Variants in HAS3 observed in about 807,000 individuals in gnomAD.
HAS3 encodes the protein hyaluronan synthase 3, also known as HA synthase 3.
In HAS3, 27 loss-of-function variants were observed where a neutral mutation model predicts 50.3. That is an observed-to-expected ratio of 0.54 (90% CI 0.40 to 0.74). HAS3 has a LOEUF of 0.74. Among genes scored for constraint, HAS3 ranks in the 30% least tolerant of loss-of-function variants. HAS3 has a pLI of 0.00. For synonymous variants in HAS3, 339 were observed against 310.9 expected (o/e 1.09, Z -0.95); for missense variants, 517 against 742.8 (o/e 0.70, Z 3.53).
the HAS3 span, among the ~76,000 whole-genome samples, chr16:69,088,726 T>TG: frequency 6.6e-6 from 1 of 152,082 alleles, no homozygotes; most frequent in African/African-American, 2.4e-5. Context: ...GGTGAATTAA[T>TG]GAGCACTAAA....
intron 2 of HAS3, among the ~76,000 whole-genome samples, chr16:69,111,447 C>T (rs1195142173): frequency 1.3e-5 from 2 of 152,200 alleles, no homozygotes; most frequent in Admixed American, 6.5e-5. Flanking sequence ...CCTGCCAGAG[C>T]AGGGTGCTGC....
At chr16:69,104,773 G>A (rs535107504), upstream of HAS3, among the ~76,000 whole-genome samples, 1 of 152,094 alleles carries the variant, frequency 6.6e-6, no homozygotes, top group South Asian at 2.1e-4. Flanking sequence ...GTGTGGAGTA[G>A]GTGTGCCTGG....
chr16:69,088,571 AAAAG>A, the HAS3 span, among the ~76,000 whole-genome samples: 32 of 151,868 alleles, frequency 2.1e-4, no homozygotes, highest in African/African-American at 7.5e-4. Context: ...AAAAAAAAAA[AAAAG>A]AAAAGACAAG....
upstream of HAS3, among the ~76,000 whole-genome samples, chr16:69,101,853 C>T (rs1458976803): frequency 2.6e-5 from 4 of 151,824 alleles, no homozygotes; most frequent in African/African-American, 9.7e-5. Flanking sequence ...GGCACGATCT[C>T]GGCTCACTGC....
upstream of HAS3, among the ~76,000 whole-genome samples, chr16:69,103,803 C>G (rs1412466943): frequency 1.3e-5 from 2 of 152,198 alleles, no homozygotes; most frequent in Non-Finnish European, 2.9e-5. Context: ...ATGCTGCTGT[C>G]TGGTTTACTA....
At chr16:69,118,420 A>G (rs1433094866), downstream of HAS3, 2 of 1,613,172 alleles carry the variant, frequency 1.2e-6, no homozygotes, top group East Asian at 2.2e-5. Flanking sequence ...GAGCTACGGA[A>G]GCATGGTCCG....
the HAS3 span, among the ~76,000 whole-genome samples, chr16:69,096,808 G>A: frequency 6.6e-6 from 1 of 151,728 alleles, no homozygotes; most frequent in Non-Finnish European, 1.5e-5. Flanking sequence ...TAGTAGAGAT[G>A]GGGTTTTATC....
At chr16:69,102,543 C>T (rs1487915591), upstream of HAS3, among the ~76,000 whole-genome samples, 2 of 152,230 alleles carry the variant, frequency 1.3e-5, no homozygotes, top group African/African-American at 4.8e-5. Context: ...TGCCTGATAA[C>T]ACCAGGTCCC....
At chr16:69,099,392 A>G in the HAS3 span, among the ~76,000 whole-genome samples, 1 of 151,804 alleles carries the variant, frequency 6.6e-6, no homozygotes, top group South Asian at 2.1e-4. Context: ...CAGTGGCGCA[A>G]TCTCGGCTCA....
At position 69,114,276 on chromosome 16, in the gene HAS3, G is replaced by T; in HGVS notation, c.739-67G>T. On this transcript the variant is annotated intron_variant, in intron 3 of 3. Transcript: ENST00000569188. The surrounding 1 kb of genome is among the most constrained non-coding windows in gnomAD (Gnocchi z 6.4). ...ACAGAAGCCATGGTAAGGAGGCCTCGTGGTCTCTGATGTCTGTCCTCCGGA... is the reference window on the plus strand; with the variant it reads ...ACAGAAGCCATGGTAAGGAGGCCTCTTGGTCTCTGATGTCTGTCCTCCGGA... The T allele has an allele frequency of 6.6e-7, 1 of 1,512,924 alleles. No individual in the cohort carries two copies. Among genetic ancestry groups the T allele is most frequent in the East Asian group, 2.3e-5 (1 of 44,100 alleles). 93.7% of individuals were successfully genotyped at this position (1,512,924 alleles called of 1,614,324 possible). A position where few individuals can be genotyped will look rare whatever the true frequency, so the allele number is the denominator to read the frequency against.
upstream of HAS3, among the ~76,000 whole-genome samples, chr16:69,102,410 A>G (rs562614555): frequency 2.0e-5 from 3 of 152,302 alleles, no homozygotes; most frequent in South Asian, 6.2e-4. Context: ...GCAGCCCCTT[A>G]AAGAAACCCC....
chr16:69,104,940 T>C (rs1274771975), upstream of HAS3, among the ~76,000 whole-genome samples: 1 of 150,194 alleles, frequency 6.7e-6, no homozygotes, highest in East Asian at 1.9e-4. Context: ...TGGGAAGAAG[T>C]GATAGAAATT....
At chr16:69,104,185 G>A (rs1960726226), upstream of HAS3, among the ~76,000 whole-genome samples, 1 of 151,802 alleles carries the variant, frequency 6.6e-6, no homozygotes, top group South Asian at 2.1e-4. Flanking sequence ...TGACCTCCTG[G>A]GCTCAAGCAA....
chr16:69,106,976 G>A lies in HAS3; in HGVS notation c.-1+1189G>A, dbSNP rs984565801. On this transcript the variant is annotated intron_variant, in intron 1 of 3. Coordinates refer to ENST00000569188, the MANE Select transcript of HAS3 (RefSeq NM_001199280.2). The surrounding 1 kb of genome is among the most constrained non-coding windows in gnomAD (Gnocchi z 5.5). ...ATGGAGAAGCGTGCGTCCTTGACTG[G>A]GGGTTCTCCTTCCGTAGTCCTGGGA... is the stretch of plus-strand genomic sequence containing the variant. 2.0e-5 allele frequency: 3 copies of A among 152,266 alleles called. No individual in the cohort carries two copies. Among genetic ancestry groups the A allele is most frequent in the African/African-American group, 7.2e-5 (3 of 41,472 alleles). The allele number at this position is 152,266 out of a possible 1,614,324, so 9.4% of individuals were successfully genotyped here.
At position 69,114,387 on chromosome 16, in the gene HAS3, G is replaced by A. The variant is rs1249218342; in HGVS notation, c.783G>A (p.Val261=). The change falls in exon 4 of 4, where the codon GTG becomes GTA. Residue 261 remains valine, a synonymous_variant. Transcript: ENST00000569188. The surrounding 1 kb of genome is among the most constrained non-coding windows in gnomAD (Gnocchi z 6.4). ...YDSWISFLSS[V]RYWMAFNVER... ...CATGGATTTCCTTCCTGAGCAGCGTGCGGTACTGGATGGCCTTCAACGTGG... is the reference window on the plus strand; with the variant it reads ...CATGGATTTCCTTCCTGAGCAGCGTACGGTACTGGATGGCCTTCAACGTGG... 5 of 1,609,636 alleles carry A rather than the reference G, an allele frequency of 3.1e-6. No individual in the cohort carries two copies. The highest frequency in any genetic ancestry group is 4.2e-6 in the Non-Finnish European group (5 of 1,179,944).
In HAS3 at chr16:69,116,663, T is replaced by C; in HGVS notation, c.*1397T>C. ...TACATCCTAAGGTTCTTGCTTTCTC[T>C]CTCATGCCTCCTGAGGCTGTTTTTG... On this transcript the variant is annotated 3_prime_UTR_variant, in exon 4 of 4. Coordinates refer to ENST00000569188, the MANE Select transcript of HAS3 (RefSeq NM_001199280.2). 1.0e-6 allele frequency: 1 copy of C among 985,334 alleles called. No individual in the cohort carries two copies. Among genetic ancestry groups the C allele is most frequent in the African/African-American group, 1.7e-5 (1 of 57,354 alleles). The allele number at this position is 985,334 out of a possible 1,614,324, so 61.0% of individuals were successfully genotyped here.
At position 69,116,819 on chromosome 16, in the gene HAS3, T is replaced by C; in HGVS notation, c.*1553T>C. ...CTAAGCCTTTGACTTAAGGGTTGCTTGCTTGCCCTCCAAATGTCCTTTCTC... is the reference window on the plus strand; with the variant it reads ...CTAAGCCTTTGACTTAAGGGTTGCTCGCTTGCCCTCCAAATGTCCTTTCTC... On this transcript the variant is annotated 3_prime_UTR_variant, in exon 4 of 4. Coordinates refer to ENST00000569188, the MANE Select transcript of HAS3 (RefSeq NM_001199280.2). 1 of 985,442 alleles carries C rather than the reference T, an allele frequency of 1.0e-6. No homozygotes were observed. The highest frequency in any genetic ancestry group is 1.2e-6 in the Non-Finnish European group (1 of 829,938). The allele number at this position is 985,442 out of a possible 1,614,324, so 61.0% of individuals were successfully genotyped here. A position where few individuals can be genotyped will look rare whatever the true frequency, so the allele number is the denominator to read the frequency against.
chr16:69,116,531 C>T lies in HAS3; in HGVS notation c.*1265C>T, dbSNP rs1469293212. On this transcript the variant is annotated 3_prime_UTR_variant, in exon 4 of 4. Transcript: ENST00000569188. ...CAAAATGGTTATCTTTGAGACCATC[C>T]ATTCTCCTCAGTGGCTTCTCCAGGG... is the stretch of plus-strand genomic sequence containing the variant. 1.0e-6 allele frequency: 1 copy of T among 985,178 alleles called. No homozygotes were observed. The highest frequency in any genetic ancestry group is 1.2e-6 in the Non-Finnish European group (1 of 829,460). 61.0% of individuals were successfully genotyped at this position (985,178 alleles called of 1,614,324 possible).
rs1399803880 is a variant in HAS3 at position 69,117,095 on chromosome 16, G to T, written c.*1829G>T. The T allele has an allele frequency of 1.7e-5, 17 of 985,684 alleles. No homozygotes were observed. The highest frequency in any genetic ancestry group is 2.0e-5 in the Non-Finnish European group (17 of 829,954). 61.1% of individuals were successfully genotyped at this position (985,684 alleles called of 1,614,324 possible). A position where few individuals can be genotyped will look rare whatever the true frequency, so the allele number is the denominator to read the frequency against. On this transcript the variant is annotated 3_prime_UTR_variant, in exon 4 of 4. Transcript: ENST00000569188. Reference sequence around the variant, plus strand: ...GTTGACATCAGACCCAACCCATGAAGGCTGGAAGGCAGCAGGCATTTGCTA... The same window carrying T: ...GTTGACATCAGACCCAACCCATGAATGCTGGAAGGCAGCAGGCATTTGCTA...
Sources: allele counts gnomAD v4.1 joint callset (sites outside exome capture counted in the v4.1 genomes callset), GRCh38; gene constraint gnomAD v4.1.1; non-coding constraint Gnocchi (gnomAD v3.1); transcripts MANE v1.5; gene names NCBI Gene and HGNC (gene_info 2026-07-23, HGNC 2026-07-21).